CDC37: variants seen among roughly 807,000 people sequenced by gnomAD.
CDC37 encodes cell division cycle 37, HSP90 cochaperone.
A neutral mutation model predicts 46.9 loss-of-function variants in CDC37; 9 were observed. The observed-to-expected ratio is 0.19, with a 90% CI of 0.12 to 0.33. The LOEUF (loss-of-function observed/expected upper bound fraction) is 0.33, where lower values mean the gene tolerates loss of function less well. CDC37 is among the 10% of genes least tolerant of loss of function. The pLI is 1.00. For missense variants in CDC37, 388 were observed against 514.6 expected, an observed-to-expected ratio of 0.75 and a Z score of 2.38; for synonymous variants, 193 against 191.0, an observed-to-expected ratio of 1.01 and a Z score of -0.09.
At position 10,393,535 on chromosome 19, in the gene CDC37, C is replaced by A; in HGVS notation, c.727-94G>T. Reference sequence around the variant, plus strand: ...CTCCAGCCACAGCTCCTCAGAGGCGCCCCACGGTTCCCCAAGTCTATTCCT... The same window carrying A: ...CTCCAGCCACAGCTCCTCAGAGGCGACCCACGGTTCCCCAAGTCTATTCCT... On this transcript the variant is annotated intron_variant, in intron 5 of 7. Coordinates refer to ENST00000222005, the MANE Select transcript of CDC37 (RefSeq NM_007065.4). This position sits in a 1 kb window ranked among gnomAD's most constrained non-coding sequence, Gnocchi z 4.9. 2 of 1,270,846 alleles carry A rather than the reference C, an allele frequency of 1.6e-6. No homozygotes were observed. The highest frequency in any genetic ancestry group is 1.1e-6 in the Non-Finnish European group (1 of 928,366). The allele number at this position is 1,270,846 out of a possible 1,614,324, so 78.7% of individuals were successfully genotyped here.
rs1398053459 is a variant in CDC37 at position 10,396,303 on chromosome 19, C to T, written c.103-100G>A. The T allele has an allele frequency of 1.0e-5, 14 of 1,356,688 alleles. No individual in the cohort carries two copies. Among genetic ancestry groups the T allele is most frequent in the East Asian group, 4.7e-5 (2 of 42,436 alleles). The allele number at this position is 1,356,688 out of a possible 1,614,324, so 84.0% of individuals were successfully genotyped here. On this transcript the variant is annotated intron_variant, in intron 1 of 7. Transcript: ENST00000222005. The surrounding 1 kb of genome is among the most constrained non-coding windows in gnomAD (Gnocchi z 5.9). ...CCGGAGATGGCCCCAGGAAAAAGTA[C>T]GCGTCCACCTCCCGTGCCCTGGTCT...
chr19:10,397,025 C>G (rs2042495863), intron 1 of CDC37, among the ~76,000 whole-genome samples: 1 of 152,196 alleles, frequency 6.6e-6, no homozygotes, highest in Non-Finnish European at 1.5e-5. Context: ...CAACCACCTT[C>G]CTGATGATGG....
rs1183667122 is a variant in CDC37 at position 10,395,073 on chromosome 19, C to T, written c.674G>A (p.Ser225Asn). The T allele has an allele frequency of 1.3e-6, 2 of 1,558,936 alleles. No homozygotes were observed. The highest frequency in any genetic ancestry group is 1.7e-6 in the Non-Finnish European group (2 of 1,149,290). The change falls in exon 5 of 8, where the codon AGC (serine) becomes AAC (asparagine). Residue 225 changes from serine (S) to asparagine (N), a missense_variant. Physicochemically the swap from Ser to Asn is conservative, Grantham distance 46. This residue lies in a region of CDC37 where 374 missense variants were observed against 467.4 expected (regional missense o/e 0.80). Transcript: ENST00000222005. ...VMQFILELAKSLKVDPRACFR... is the reference protein window; with the variant it reads ...VMQFILELAKNLKVDPRACFR... ...GCAGGCCCGGGGGTCCACCTTTAGG[C>T]TCTTGGCCAGCTCCAGGATAAATTG... is the stretch of plus-strand genomic sequence containing the variant.
In CDC37 at chr19:10,395,982, C is replaced by T. The variant is rs140256392; in HGVS notation, c.324G>A (p.Lys108=). 8.1e-6 allele frequency: 13 copies of T among 1,613,252 alleles called. No individual in the cohort carries two copies. The highest frequency in any genetic ancestry group is 1.1e-5 in the Non-Finnish European group (13 of 1,179,696). The change falls in exon 2 of 8, where the codon AAG becomes AAA. Residue 108 remains lysine (K), a synonymous_variant. Transcript: ENST00000222005. ...CCACGTTCCAGGGCATGCTCTTCTC[C>T]TTCTTGCGCATCTCCTCCAGCTTCT... ...WEQKLEEMRK[K]EKSMPWNVDT...
At chr19:10,392,962 C>T in intron 7 of CDC37, 124 bp downstream of exon 7, 2 of 797,572 alleles carry the variant, frequency 2.5e-6, no homozygotes, top group East Asian at 4.9e-5. Context: ...GTGACACGAC[C>T]CCCCTTACTC....
chr19:10,391,487 A>T lies in CDC37; in HGVS notation c.*64T>A. Reference sequence around the variant, plus strand: ...GTCAGGAGCGGGCGAGATGGCATCTATCTGTTTTCTGAAAAGGGGCACATA... The same window carrying T: ...GTCAGGAGCGGGCGAGATGGCATCTTTCTGTTTTCTGAAAAGGGGCACATA... On this transcript the variant is annotated 3_prime_UTR_variant, in exon 8 of 8. Coordinates refer to ENST00000222005, the MANE Select transcript of CDC37 (RefSeq NM_007065.4). 1 of 1,588,246 alleles carries T rather than the reference A, an allele frequency of 6.3e-7. No individual in the cohort carries two copies. Among genetic ancestry groups the T allele is most frequent in the Non-Finnish European group, 8.6e-7 (1 of 1,157,196 alleles).
chr19:10,394,157 G>T lies in CDC37; in HGVS notation c.727-716C>A, dbSNP rs558962780. On this transcript the variant is annotated intron_variant, in intron 5 of 7. Transcript: ENST00000222005. ...CAGGCACCTGTAATCCCAGCTACTTGGGAGGCTGAAGCACTAGAATTGCTT... is the reference window on the plus strand; with the variant it reads ...CAGGCACCTGTAATCCCAGCTACTTTGGAGGCTGAAGCACTAGAATTGCTT... Among the ~76,000 whole-genome samples, 163 of 152,216 alleles carry T rather than the reference G, an allele frequency of 1.1e-3. 1 individual carries two copies. Among genetic ancestry groups the T allele is most frequent in the Non-Finnish European group, 1.8e-3 (124 of 68,018 alleles).
intron 1 of CDC37, among the ~76,000 whole-genome samples, chr19:10,401,469 C>A (rs180811203): frequency 2.0e-4 from 30 of 152,286 alleles, no homozygotes; most frequent in African/African-American, 7.0e-4. Flanking sequence ...CCGGCAGGAC[C>A]AAACCATTCT....
intron 1 of CDC37, among the ~76,000 whole-genome samples, chr19:10,399,194 C>T (rs1249256048): frequency 2.6e-5 from 4 of 151,996 alleles, no homozygotes; most frequent in African/African-American, 4.8e-5. Context: ...CGTGGTCGAG[C>T]GTGGTGGCTC....
rs1342092223 is a variant in CDC37, at chr19:10,398,564, C to T, written c.103-2361G>A. Among the ~76,000 whole-genome samples the T allele has an allele frequency of 1.3e-5, 2 of 152,222 alleles. No individual in the cohort carries two copies. The highest frequency in any genetic ancestry group is 4.8e-5 in the African/African-American group (2 of 41,456). On this transcript the variant is annotated intron_variant, in intron 1 of 7. Coordinates refer to ENST00000222005, the MANE Select transcript of CDC37 (RefSeq NM_007065.4). The surrounding 1 kb of genome is among the most constrained non-coding windows in gnomAD (Gnocchi z 4.2). Reference sequence around the variant, plus strand: ...CTCATCTGTCAAACAGTCAACAATGCTGACTGCACAAGCTCATATTGGAAG... The same window carrying T: ...CTCATCTGTCAAACAGTCAACAATGTTGACTGCACAAGCTCATATTGGAAG...
intron 1 of CDC37, 111 bp downstream of exon 1, chr19:10,403,266 TG>T (rs567875739): frequency 1.7e-5 from 13 of 765,628 alleles, no homozygotes; most frequent in South Asian, 3.2e-5. Context: ...AAATCCAGAC[TG>T]GGGGGGTGAG....
At chr19:10,402,042 A>G (rs1299590657) in intron 1 of CDC37, among the ~76,000 whole-genome samples, 1 of 151,232 alleles carries the variant, frequency 6.6e-6, no homozygotes, top group Middle Eastern at 3.2e-3. Flanking sequence ...CTGTAATCCC[A>G]GCTACTCAGG....
Position 10,396,577 on chromosome 19 carries a change from A to C in CDC37, c.103-374T>G, listed in dbSNP as rs1024165399. ...TTTTTTTGTTTAAGAAAACAAAACA[A>C]AACAAAACAAAAAACAGGGTCTCAC... is the stretch of plus-strand genomic sequence containing the variant. On this transcript the variant is annotated intron_variant, in intron 1 of 7. Coordinates refer to ENST00000222005, the MANE Select transcript of CDC37 (RefSeq NM_007065.4). The surrounding 1 kb of genome is among the most constrained non-coding windows in gnomAD (Gnocchi z 5.9). 6.6e-6 allele frequency among the ~76,000 whole-genome samples: 1 copy of C among 152,108 alleles called. No homozygotes were observed. The highest frequency in any genetic ancestry group is 1.5e-5 in the Non-Finnish European group (1 of 68,012).
intron 1 of CDC37, among the ~76,000 whole-genome samples, chr19:10,399,788 C>T (rs2633972): frequency 2.0e-5 from 3 of 151,638 alleles, no homozygotes; most frequent in East Asian, 1.9e-4. Context: ...AAAAATTAGC[C>T]GGGCATGGTG....
At chr19:10,401,261 A>C (rs760591474) in intron 1 of CDC37, among the ~76,000 whole-genome samples, 2 of 152,290 alleles carry the variant, frequency 1.3e-5, no homozygotes, top group Middle Eastern at 3.4e-3. Context: ...AGAAAGAAAG[A>C]AGCAGCAAGA....
intron 1 of CDC37, among the ~76,000 whole-genome samples, chr19:10,401,723 C>T (rs987964287): frequency 7.2e-5 from 11 of 152,204 alleles, no homozygotes; most frequent in Admixed American, 3.9e-4. Flanking sequence ...AGACTAATGC[C>T]GTATTCCAGA....
intron 1 of CDC37, among the ~76,000 whole-genome samples, chr19:10,399,979 CCTTT>C (rs2042510599): frequency 6.8e-6 from 1 of 147,750 alleles, no homozygotes; most frequent in Non-Finnish European, 1.5e-5. Flanking sequence ...TCTCCAACTC[CCTTT>C]CTCCACGATG....
chr19:10,393,137 A>G lies in CDC37; in HGVS notation c.930T>C (p.Asp310=). Residue 310 remains aspartate, a synonymous_variant, in exon 7 of 8, where the codon GAT becomes GAC. Coordinates refer to ENST00000222005, the MANE Select transcript of CDC37 (RefSeq NM_007065.4). This position sits in a 1 kb window ranked among gnomAD's most constrained non-coding sequence, Gnocchi z 4.9. ...SLPEELQKCF[D]VKDVQMLQDA... The stretch of plus-strand genomic sequence containing the variant: ...CCTGCAGCATCTGCACGTCCTTCAC[A>G]TCGAAGCACTTCTGGAGTTCCTGGG... 2.5e-6 allele frequency: 4 copies of G among 1,613,958 alleles called. No homozygotes were observed. In the South Asian group the frequency reaches 4.4e-5, roughly 18 times the overall value.
In CDC37 at chr19:10,393,662, T is replaced by C. The variant is rs1325778400; in HGVS notation, c.727-221A>G. The stretch of plus-strand genomic sequence containing the variant: ...CTTGGGAGCCCTGCTCTACTGCAGA[T>C]CTGAGACACTCATGTCCTCAGTGTC... On this transcript the variant is annotated intron_variant, in intron 5 of 7. Transcript: ENST00000222005. This position sits in a 1 kb window ranked among gnomAD's most constrained non-coding sequence, Gnocchi z 4.9. 9.3e-6 allele frequency: 5 copies of C among 540,260 alleles called. No individual in the cohort carries two copies. The East Asian group carries it at 1.5e-4, about 17-fold the overall frequency. 33.5% of individuals were successfully genotyped at this position (540,260 alleles called of 1,614,324 possible).
Sources: allele counts gnomAD v4.1 joint callset (sites outside exome capture counted in the v4.1 genomes callset), GRCh38; gene constraint gnomAD v4.1.1; regional missense constraint gnomAD v4.1.1; non-coding constraint Gnocchi (gnomAD v3.1); transcripts MANE v1.5; gene names NCBI Gene and HGNC (gene_info 2026-07-23, HGNC 2026-07-21).